Variants in ZNF365 observed in about 807,000 individuals in gnomAD.
ZNF365 encodes zinc finger protein 365, also known as protein ZNF365.
In ZNF365, 22 loss-of-function variants were observed where a neutral mutation model predicts 35.0. The observed-to-expected ratio is 0.63, with a 90% CI of 0.45 to 0.90. The LOEUF (loss-of-function observed/expected upper bound fraction) is 0.90. Among genes scored for constraint, ZNF365 ranks in the 40% least tolerant of loss-of-function variants. The pLI is 0.00. For missense variants in ZNF365, 448 were observed against 500.3 expected (o/e 0.90, Z 1.00); for synonymous variants, 188 against 196.2 (o/e 0.96, Z 0.35).
intron 3 of ZNF365, among the ~76,000 whole-genome samples, chr10:62,437,992 T>C (rs540407715): frequency 1.6e-4 from 24 of 152,330 alleles, no homozygotes; most frequent in Middle Eastern, 6.8e-3. Flanking sequence ...CCTGTTGGAA[T>C]AACAGCTGGT....
At chr10:62,389,438 TG>T (rs1466779052) in intron 3 of ZNF365, among the ~76,000 whole-genome samples, 1 of 101,134 alleles carries the variant, frequency 9.9e-6, no homozygotes, top group African/African-American at 2.8e-5. Flanking sequence ...AAAATAGTTT[TG>T]TTTTTTTTTT....
chr10:62,382,628 G>A (rs1210076728), intron 2 of ZNF365, among the ~76,000 whole-genome samples: 5 of 152,170 alleles, frequency 3.3e-5, no homozygotes, highest in East Asian at 1.9e-4. Flanking sequence ...TCTCATTAGC[G>A]TTAAGGGCCA....
downstream of ZNF365, among the ~76,000 whole-genome samples, chr10:62,403,612 C>T (rs1839864399): frequency 6.6e-6 from 1 of 152,034 alleles, no homozygotes; most frequent in African/African-American, 2.4e-5. Context: ...GAGCTGAGAT[C>T]GCGCCACTGC....
chr10:62,404,001 T>C (rs1444694115), downstream of ZNF365, among the ~76,000 whole-genome samples: 1 of 152,252 alleles, frequency 6.6e-6, no homozygotes, highest in African/African-American at 2.4e-5. Context: ...TTTTTTCTTT[T>C]GTGTTCCTTT....
intron 3 of ZNF365, among the ~76,000 whole-genome samples, chr10:62,430,266 T>C (rs1196999347): frequency 6.6e-6 from 1 of 150,694 alleles, no homozygotes; most frequent in East Asian, 2.0e-4. Flanking sequence ...TTTTTTTTTT[T>C]TTTTTTTTGG....
chr10:62,377,569 A>ATTTTT lies in ZNF365; in HGVS notation c.743+638_743+642dup, dbSNP rs71472207. On this transcript the variant is annotated intron_variant, in intron 2 of 4. Coordinates refer to ENST00000395254, the MANE Select transcript of ZNF365 (RefSeq NM_014951.3). Reference sequence around the variant, plus strand: ...GACTTGACTTTTTGGCAAATGATGTATTTTTTTTTGTTATATTTAAGTTTT... The same window carrying ATTTTT: ...GACTTGACTTTTTGGCAAATGATGTATTTTTTTTTTTTTTGTTATATTTAAGTTTT... Among the ~76,000 whole-genome samples the ATTTTT allele has an allele frequency of 8.6e-5, 13 of 151,430 alleles. No individual in the cohort carries two copies. In the East Asian group the frequency reaches 9.7e-4, roughly 11 times the overall value.
chr10:62,439,105 T>C (rs1180429550), intron 3 of ZNF365, among the ~76,000 whole-genome samples: 10 of 152,196 alleles, frequency 6.6e-5, no homozygotes, highest in Admixed American at 5.9e-4. Context: ...ACTACACTTA[T>C]GGTTTCTGGT....
chr10:62,381,489 A>AT lies in ZNF365; in HGVS notation c.743+4562dup, dbSNP rs1010956910. ...TCCCAGCCAGACTCCTGAAAATGTGATTTTTTTTTCCCCCAAAGCGTCAAG... is the reference window on the plus strand; with the variant it reads ...TCCCAGCCAGACTCCTGAAAATGTGATTTTTTTTTTCCCCCAAAGCGTCAAG... On this transcript the variant is annotated intron_variant, in intron 2 of 4. Coordinates refer to ENST00000395254, the MANE Select transcript of ZNF365 (RefSeq NM_014951.3). Among the ~76,000 whole-genome samples the AT allele has an allele frequency of 3.6e-4, 54 of 152,082 alleles. 1 individual carries two copies. Among genetic ancestry groups the AT allele is most frequent in the Admixed American group, 6.5e-4 (10 of 15,288 alleles).
intron 3 of ZNF365, among the ~76,000 whole-genome samples, chr10:62,428,342 G>T (rs929259716): frequency 6.6e-6 from 1 of 152,058 alleles, no homozygotes; most frequent in African/African-American, 2.4e-5. Flanking sequence ...TTGTGGGAGG[G>T]ACCTGGTGGG....
chr10:62,477,837 T>C (rs1336879196), intron 4 of ZNF365, among the ~76,000 whole-genome samples: 1 of 152,210 alleles, frequency 6.6e-6, no homozygotes, highest in East Asian at 1.9e-4. Context: ...CCACATTTCA[T>C]TGGCCAAGGT....
At chr10:62,472,753 T>A (rs1274513901) in intron 4 of ZNF365, among the ~76,000 whole-genome samples, 1 of 152,222 alleles carries the variant, frequency 6.6e-6, no homozygotes, top group Non-Finnish European at 1.5e-5. Flanking sequence ...CTTGCCTATT[T>A]TACATTTTTT....
At chr10:62,444,089 G>A (rs1428470539) in intron 3 of ZNF365, among the ~76,000 whole-genome samples, 1 of 152,166 alleles carries the variant, frequency 6.6e-6, no homozygotes, top group Non-Finnish European at 1.5e-5. Flanking sequence ...GCTGAGAAGT[G>A]TCAGACTGAC....
downstream of ZNF365, among the ~76,000 whole-genome samples, chr10:62,403,900 A>G (rs10821993): frequency 0.5 from 75,532 of 152,110 alleles, 22,684 homozygotes; most frequent in East Asian, 0.76. Context: ...GCATGCCTGC[A>G]TGATCCCAAA....
rs1840713569 is a variant in ZNF365 at position 62,453,360 on chromosome 10, C to T, written c.925-6381C>T. Among the ~76,000 whole-genome samples, 4 of 152,198 alleles carry T rather than the reference C, an allele frequency of 2.6e-5. No homozygotes were observed. The South Asian group carries it at 8.3e-4, about 32-fold the overall frequency. ...CCACGTGGACACATTATTTAGTTCC[C>T]ACTTATAAGACAGAACAGGCTGTAT... On this transcript the variant is annotated intron_variant, in intron 3 of 4. Transcript: ENST00000395255.
intron 3 of ZNF365, among the ~76,000 whole-genome samples, chr10:62,445,073 A>G (rs1004269409): frequency 1.3e-5 from 2 of 151,346 alleles, no homozygotes; most frequent in African/African-American, 2.4e-5. Context: ...ATGATTTCCA[A>G]TTTCATCCAT....
chr10:62,387,174 G>A (rs1371588725), intron 2 of ZNF365, among the ~76,000 whole-genome samples: 1 of 152,202 alleles, frequency 6.6e-6, no homozygotes, highest in Non-Finnish European at 1.5e-5. Context: ...AGGGTAGAGA[G>A]AACTCTGGCA....
At chr10:62,428,448 C>T (rs143111233) in intron 3 of ZNF365, among the ~76,000 whole-genome samples, 142 of 152,304 alleles carry the variant, frequency 9.3e-4, no homozygotes, top group African/African-American at 3.3e-3. Flanking sequence ...GGGCCTCCCC[C>T]TTCAGTTGGC....
intron 3 of ZNF365, among the ~76,000 whole-genome samples, chr10:62,454,111 T>C (rs1467847962): frequency 1.3e-5 from 2 of 152,214 alleles, no homozygotes; most frequent in African/African-American, 2.4e-5. Flanking sequence ...TCTCAGCTTC[T>C]TCATGAAGAT....
chr10:62,432,608 C>A (rs912812585), intron 3 of ZNF365, among the ~76,000 whole-genome samples: 1 of 152,182 alleles, frequency 6.6e-6, no homozygotes, highest in African/African-American at 2.4e-5. Flanking sequence ...ACCTTGAAAT[C>A]TTTTAAAAGA....
Sources: allele counts gnomAD v4.1 joint callset (sites outside exome capture counted in the v4.1 genomes callset), GRCh38; gene constraint gnomAD v4.1.1; transcripts MANE v1.5; gene names NCBI Gene and HGNC (gene_info 2026-07-23, HGNC 2026-07-21).